GPAT4: variants seen among roughly 807,000 people sequenced by gnomAD.
GPAT4 encodes glycerol-3-phosphate acyltransferase 4.
A neutral mutation model predicts 58.0 loss-of-function variants in GPAT4; 17 were observed. The ratio of observed to expected loss-of-function variants is 0.29; its 90% CI spans 0.20 to 0.44. GPAT4 has a LOEUF of 0.44. Among genes scored for constraint, GPAT4 ranks in the 20% least tolerant of loss-of-function variants. The probability of loss-of-function intolerance (pLI) is 1.00; values close to 1 mark genes in which losing one functional copy is unlikely to be tolerated. For synonymous variants in GPAT4, 204 were observed against 210.1 expected, an observed-to-expected ratio of 0.97 and a Z score of 0.25; for missense variants, 377 against 574.5, an observed-to-expected ratio of 0.66 and a Z score of 3.51.
Position 41,614,984 on chromosome 8 carries a change from C to A in GPAT4, c.989C>A (p.Ser330Ter). 1 of 1,614,030 alleles carries A rather than the reference C, an allele frequency of 6.2e-7. No homozygotes were observed. The highest frequency in any genetic ancestry group is 8.5e-7 in the Non-Finnish European group (1 of 1,179,910). Reference protein sequence around the residue: ...FPEGTCINNTSVMMFKKGSFE... With the variant: ...FPEGTCINNT ...TTAGGAACCTGCATCAATAATACATCGGTGATGATGTTCAAAAAGGGAAGT... is the reference window on the plus strand; with the variant it reads ...TTAGGAACCTGCATCAATAATACATAGGTGATGATGTTCAAAAAGGGAAGT... Residue 330 changes from serine to a stop codon, truncating the protein, a stop_gained, in exon 10 of 13, where the codon TCG becomes TAG. Coordinates refer to ENST00000396987, the MANE Select transcript of GPAT4 (RefSeq NM_178819.4). LOFTEE classifies it high-confidence loss of function.
In GPAT4 at chr8:41,615,597, C is replaced by T. The variant is rs1427245726; in HGVS notation, c.1053+549C>T. Among the ~76,000 whole-genome samples, 7 of 152,126 alleles carry T rather than the reference C, an allele frequency of 4.6e-5. No individual in the cohort carries two copies. The East Asian group carries it at 1.3e-3, about 29-fold the overall frequency. Reference sequence around the variant, plus strand: ...TACGTCGACCCTTTAGGAACTGCTCCTCTAACCCTTCAGACACCCAGAGCT... The same window carrying T: ...TACGTCGACCCTTTAGGAACTGCTCTTCTAACCCTTCAGACACCCAGAGCT... On this transcript the variant is annotated intron_variant, in intron 10 of 12. Coordinates refer to ENST00000396987, the MANE Select transcript of GPAT4 (RefSeq NM_178819.4).
At chr8:41,579,437 T>G (rs774515106) in intron 1 of GPAT4, among the ~76,000 whole-genome samples, 2 of 152,224 alleles carry the variant, frequency 1.3e-5, no homozygotes, top group Non-Finnish European at 2.9e-5. Flanking sequence ...CATAAGGTGC[T>G]TTTTGTTTTG....
At chr8:41,591,218 A>G (rs549722334) in intron 1 of GPAT4, among the ~76,000 whole-genome samples, 1 of 152,228 alleles carries the variant, frequency 6.6e-6, no homozygotes. Context: ...TTTTCCATAT[A>G]ATGTCTGAAA....
chr8:41,603,397 A>C (rs899798549), intron 2 of GPAT4, among the ~76,000 whole-genome samples: 1 of 151,956 alleles, frequency 6.6e-6, no homozygotes, highest in African/African-American at 2.4e-5. Context: ...GTAGTGACGC[A>C]CATCTGTAAT....
At chr8:41,590,434 G>C (rs2150485268) in intron 1 of GPAT4, among the ~76,000 whole-genome samples, 2 of 152,262 alleles carry the variant, frequency 1.3e-5, no homozygotes, top group Middle Eastern at 6.8e-3. Context: ...AAGAAGTAGG[G>C]GTTACAGAGC....
intron 2 of GPAT4, among the ~76,000 whole-genome samples, chr8:41,604,222 C>A (rs1013488120): frequency 6.6e-6 from 1 of 152,120 alleles, no homozygotes; most frequent in Non-Finnish European, 1.5e-5. Context: ...CCTAATAGTT[C>A]ATGCAGTACA....
chr8:41,579,235 GAC>G, intron 1 of GPAT4, among the ~76,000 whole-genome samples: 1 of 152,246 alleles, frequency 6.6e-6, no homozygotes, highest in East Asian at 1.9e-4. Context: ...GAGAATTTCA[GAC>G]ACAGGGAAAT....
chr8:41,604,036 ATT>A (rs66464170), intron 2 of GPAT4, among the ~76,000 whole-genome samples: 51,228 of 138,566 alleles, frequency 0.37, 8,044 homozygotes, highest in Middle Eastern at 0.43. Context: ...ACACCTTTTA[ATT>A]TTTTTTTTTT....
Position 41,621,096 on chromosome 8 carries a change from A to C in GPAT4, c.*95A>C. On this transcript the variant is annotated 3_prime_UTR_variant, in exon 13 of 13. Coordinates refer to ENST00000396987, the MANE Select transcript of GPAT4 (RefSeq NM_178819.4). ...GCCCCCACTGCTGTGTCCTTTCCAG[A>C]CTCCAGGGCTCCCCGGGCTGCTCTG... 6.7e-7 allele frequency: 1 copy of C among 1,489,744 alleles called. No individual in the cohort carries two copies. The allele number at this position is 1,489,744 out of a possible 1,614,324, so 92.3% of individuals were successfully genotyped here. A position where few individuals can be genotyped will look rare whatever the true frequency, so the allele number is the denominator to read the frequency against.
At chr8:41,620,854 C>CA in intron 12 of GPAT4, 39 bp from the exon 13 acceptor site, 1 of 1,549,418 alleles carries the variant, frequency 6.5e-7, no homozygotes, top group East Asian at 2.4e-5. Flanking sequence ...GGCTGGGAGC[C>CA]CTCTTGGCTG....
At chr8:41,590,604 A>G (rs1052057191) in intron 1 of GPAT4, among the ~76,000 whole-genome samples, 1 of 152,172 alleles carries the variant, frequency 6.6e-6, no homozygotes, top group Non-Finnish European at 1.5e-5. Context: ...AGGGTGGTAT[A>G]TGTGAAATGC....
intron 1 of GPAT4, among the ~76,000 whole-genome samples, chr8:41,590,142 A>G (rs1455106616): frequency 1.3e-5 from 2 of 148,736 alleles, no homozygotes; most frequent in African/African-American, 4.9e-5. Context: ...TTTTTTTTTT[A>G]AAGAGTCCCA....
intron 2 of GPAT4, among the ~76,000 whole-genome samples, chr8:41,603,525 CAAAAAAAAA>C (rs35302781): frequency 3.0e-4 from 26 of 85,294 alleles, no homozygotes; most frequent in Admixed American, 1.4e-3. Flanking sequence ...GACTCCGTCT[CAAAAAAAAA>C]AAAAAAAAAA....
intron 2 of GPAT4, among the ~76,000 whole-genome samples, chr8:41,606,077 G>A (rs899584876): frequency 6.6e-6 from 1 of 152,202 alleles, no homozygotes; most frequent in Admixed American, 6.5e-5. Flanking sequence ...TCCATCTGGT[G>A]CTTCCTGAGC....
chr8:41,588,939 G>A (rs561931435), intron 1 of GPAT4, among the ~76,000 whole-genome samples: 2 of 152,314 alleles, frequency 1.3e-5, no homozygotes, highest in East Asian at 3.9e-4. Context: ...GAGTTTGGTT[G>A]GAACCCATCT....
At chr8:41,600,866 G>A (rs571063483) in intron 2 of GPAT4, among the ~76,000 whole-genome samples, 1 of 152,178 alleles carries the variant, frequency 6.6e-6, no homozygotes, top group Admixed American at 6.5e-5. Flanking sequence ...GCCCTTTTGT[G>A]TCTGGCTTCT....
intron 1 of GPAT4, among the ~76,000 whole-genome samples, chr8:41,596,359 C>G (rs911681402): frequency 1.3e-5 from 2 of 152,200 alleles, no homozygotes; most frequent in African/African-American, 4.8e-5. Context: ...ATCAAGAGAT[C>G]CAAGCCAGGT....
At chr8:41,591,420 C>T (rs7824475) in intron 1 of GPAT4, among the ~76,000 whole-genome samples, 67,525 of 151,932 alleles carry the variant, frequency 0.44, 15,189 homozygotes, top group Middle Eastern at 0.53. Context: ...GATTTTAAGG[C>T]GAAGTCAGTA....
Position 41,624,658 on chromosome 8 carries a change from A to ACAG in GPAT4, c.*3660_*3662dup, listed in dbSNP as rs1158900961. The ACAG allele has an allele frequency of 1.3e-5, 2 of 152,222 alleles. No individual in the cohort carries two copies. The highest frequency in any genetic ancestry group is 6.5e-5 in the Admixed American group (1 of 15,280). The allele number at this position is 152,222 out of a possible 1,614,324, so 9.4% of individuals were successfully genotyped here. A position where few individuals can be genotyped will look rare whatever the true frequency, so the allele number is the denominator to read the frequency against. ...ATGGCCACGCAGCCATCCATCTTCT[A>ACAG]CAGCACGCACACCCCACTCTCTCCC... On this transcript the variant is annotated 3_prime_UTR_variant, in exon 13 of 13. Transcript: ENST00000396987.
Sources: allele counts gnomAD v4.1 joint callset (sites outside exome capture counted in the v4.1 genomes callset), GRCh38; gene constraint gnomAD v4.1.1; transcripts MANE v1.5; gene names NCBI Gene and HGNC (gene_info 2026-07-23, HGNC 2026-07-21).